KIRREL1: variants seen among roughly 807,000 people sequenced by gnomAD.
The protein encoded by KIRREL1 is kirre like nephrin family adhesion molecule 1, also known as kin of IRRE-like protein 1.
KIRREL1 carries 25 observed loss-of-function variants against 83.3 expected under a neutral mutation model. That is an observed-to-expected ratio of 0.30 (90% CI 0.22 to 0.42). KIRREL1 has a LOEUF of 0.42. KIRREL1 is among the 10% of genes least tolerant of loss of function. The pLI, the probability that KIRREL1 is intolerant of heterozygous loss-of-function variation, is 1.00. For synonymous variants in KIRREL1, 388 were observed against 410.4 expected (o/e 0.95, Z 0.66); for missense variants, 812 against 1,032.3 (o/e 0.79, Z 2.92).
intron 1 of KIRREL1, among the ~76,000 whole-genome samples, chr1:157,994,349 T>G (rs1659129962): frequency 1.7e-5 from 2 of 117,446 alleles, no homozygotes; most frequent in African/African-American, 3.3e-5. Context: ...GGGTGGAGAG[T>G]GGAGTTCCAC....
intron 13 of KIRREL1, 25 bp downstream of exon 13, chr1:158,093,787 C>G: frequency 6.2e-7 from 1 of 1,612,704 alleles, no homozygotes; most frequent in Non-Finnish European, 8.5e-7. Context: ...CCTCTCTGGC[C>G]TCCTGCCTTC....
chr1:158,084,344 T>C, intron 3 of KIRREL1, 78 bp from the exon 4 acceptor site: 1 of 1,404,512 alleles, frequency 7.1e-7, no homozygotes, highest in Non-Finnish European at 9.6e-7. Context: ...GGAAGGATGC[T>C]TCCAGAGGCA....
Position 158,038,029 on chromosome 1 carries a change from C to G in KIRREL1, c.53-38084C>G, listed in dbSNP as rs145320008. Among the ~76,000 whole-genome samples the G allele has an allele frequency of 9.2e-4, 140 of 152,322 alleles. 1 individual carries two copies. Among genetic ancestry groups the G allele is most frequent in the African/African-American group, 3.1e-3 (129 of 41,562 alleles). On this transcript the variant is annotated intron_variant, in intron 1 of 14. Coordinates refer to ENST00000359209, the MANE Select transcript of KIRREL1 (RefSeq NM_018240.7). The stretch of plus-strand genomic sequence containing the variant: ...CCAGCCTGCCAGCGGCTCAATGGCT[C>G]TAGCTAAGTTAGGGTCTGGCTCTGT...
rs1661745045 is a variant in KIRREL1 at position 158,078,253 on chromosome 1, TGGCCTTATCCC to T, written c.352+114_352+124del. ...TTCCCAGCTTCTCCCTCTCTGTTAC[TGGCCTTATCCC>T]TGCCCTAATGCTCAAGTCCAGGTAG... On this transcript the variant is annotated intron_variant, in intron 3 of 14. Transcript: ENST00000359209. The T allele has an allele frequency of 2.5e-6, 3 of 1,198,974 alleles. No homozygotes were observed. In the South Asian group the frequency reaches 4.2e-5, roughly 17 times the overall value. The allele number at this position is 1,198,974 out of a possible 1,614,324, so 74.3% of individuals were successfully genotyped here.
At chr1:158,030,661 C>A (rs747041713) in intron 1 of KIRREL1, 1 of 152,178 alleles carries the variant, frequency 6.6e-6, no homozygotes, top group Non-Finnish European at 1.5e-5. Flanking sequence ...TTTATAAAGT[C>A]ATTTTGCAAA....
At chr1:158,075,474 G>A (rs34608435) in intron 1 of KIRREL1, among the ~76,000 whole-genome samples, 31,047 of 152,236 alleles carry the variant, frequency 0.2, 3,306 homozygotes, top group Non-Finnish European at 0.23. Flanking sequence ...GCCAAGAAGT[G>A]GGTTCAGAGC....
chr1:158,092,136 A>G (rs1381085450), intron 11 of KIRREL1, among the ~76,000 whole-genome samples: 5 of 152,214 alleles, frequency 3.3e-5, no homozygotes, highest in Non-Finnish European at 5.9e-5. Context: ...CTCTTCAAGA[A>G]TTGTCACTCT....
chr1:158,053,060 C>G (rs370413103), intron 1 of KIRREL1, among the ~76,000 whole-genome samples: 119 of 152,310 alleles, frequency 7.8e-4, no homozygotes, highest in Middle Eastern at 3.4e-3. Context: ...ATTACCCAAA[C>G]ACCTCCCACT....
chr1:157,998,606 C>G (rs1426431391), intron 1 of KIRREL1, among the ~76,000 whole-genome samples: 1 of 152,194 alleles, frequency 6.6e-6, no homozygotes, highest in Non-Finnish European at 1.5e-5. Flanking sequence ...CAGAGCCATA[C>G]AGAGGCAAAA....
At chr1:158,010,554 G>A (rs974624754) in intron 1 of KIRREL1, among the ~76,000 whole-genome samples, 4 of 152,204 alleles carry the variant, frequency 2.6e-5, no homozygotes, top group East Asian at 1.9e-4. Context: ...GTTTCTCCCC[G>A]AAGAAACATG....
At chr1:158,041,771 G>T (rs1364485114) in intron 1 of KIRREL1, among the ~76,000 whole-genome samples, 2 of 152,188 alleles carry the variant, frequency 1.3e-5, no homozygotes, top group Non-Finnish European at 2.9e-5. Flanking sequence ...CCTCTGGTTT[G>T]TGCGGTGGGA....
At chr1:158,007,478 T>C (rs556727081) in intron 1 of KIRREL1, among the ~76,000 whole-genome samples, 45 of 152,230 alleles carry the variant, frequency 3.0e-4, no homozygotes, top group Non-Finnish European at 6.0e-4. Flanking sequence ...GGCTGAGAGC[T>C]GCGGTATGGC....
rs768400209 is a variant in KIRREL1, at chr1:158,078,009, T to C, written c.221T>C (p.Val74Ala). The C allele has an allele frequency of 6.2e-7, 1 of 1,613,910 alleles. No homozygotes were observed. Among genetic ancestry groups the C allele is most frequent in the Admixed American group, 1.7e-5 (1 of 59,988 alleles). ...TCTGCAGCCTGGCCACGGTACCGGG[T>C]TGTGGGCTCCGCAGACGCTGGGCAG... ...QGLKAWPRYR[V>A]VGSADAGQYN... The change falls in exon 3 of 15, where the codon GTT becomes GCT. Residue 74 changes from valine (V) to alanine (A), a missense_variant. Around this residue, in one of 3 missense-constraint regions of KIRREL1, gnomAD observed 472 missense variants for 626.8 expected, o/e 0.75. Transcript: ENST00000359209.
At chr1:157,994,253 C>T (rs1296202600) in intron 1 of KIRREL1, among the ~76,000 whole-genome samples, 3 of 152,310 alleles carry the variant, frequency 2.0e-5, no homozygotes, top group South Asian at 4.1e-4. Context: ...CGGCTCCAGC[C>T]TGCCTGGGGC....
At chr1:158,074,566 C>A (rs891033031) in intron 1 of KIRREL1, among the ~76,000 whole-genome samples, 1 of 152,128 alleles carries the variant, frequency 6.6e-6, no homozygotes, top group African/African-American at 2.4e-5. Context: ...TGGACATTAC[C>A]CCTGATCATT....
chr1:158,088,891 T>G (rs1308365060), intron 8 of KIRREL1, among the ~76,000 whole-genome samples: 3 of 151,744 alleles, frequency 2.0e-5, no homozygotes, highest in South Asian at 2.1e-4. Context: ...GGTCTTGGGA[T>G]TTGGAGGAGA....
At position 158,056,798 on chromosome 1, in the gene KIRREL1, G is replaced by C. The variant is rs536801684; in HGVS notation, c.53-19315G>C. On this transcript the variant is annotated intron_variant, in intron 1 of 14. Transcript: ENST00000359209. ...AGCTGGCTGGGCGGGGGTGCTGGCA[G>C]CCTGGGCTTGGAGCTATGGGGCTCA... Among the ~76,000 whole-genome samples the C allele has an allele frequency of 2.0e-4, 31 of 152,308 alleles. No homozygotes were observed. In the South Asian group the frequency reaches 5.6e-3, roughly 28 times the overall value.
intron 1 of KIRREL1, among the ~76,000 whole-genome samples, chr1:157,994,204 T>C (rs1659125762): frequency 6.6e-6 from 1 of 152,066 alleles, no homozygotes; most frequent in African/African-American, 2.4e-5. Flanking sequence ...GGGATCCCCC[T>C]ACTCCAGCCC....
intron 1 of KIRREL1, among the ~76,000 whole-genome samples, chr1:158,012,432 G>C (rs1182204926): frequency 6.6e-6 from 1 of 152,214 alleles, no homozygotes; most frequent in East Asian, 1.9e-4. Flanking sequence ...TTCATGGAAT[G>C]ATGATAAAGA....
Sources: gnomAD v4.1 joint callset for allele counts (sites outside exome capture counted in the v4.1 genomes callset) on GRCh38, gnomAD v4.1.1 for gene constraint, gnomAD v4.1.1 regional missense constraint, MANE v1.5 for transcripts, NCBI Gene and HGNC (gene_info 2026-07-23, HGNC 2026-07-21) for gene names.